PYROXD1: variants seen among roughly 807,000 people sequenced by gnomAD.
PYROXD1 encodes tRNA ligase complex-associated NAD(P)H dehydrogenase PYROXD1.
Under a neutral mutation model 62.0 loss-of-function variants are expected in PYROXD1, and 42 were observed. The ratio of observed to expected loss-of-function variants is 0.68; its 90% CI spans 0.53 to 0.88. PYROXD1 has a LOEUF of 0.88. Among genes scored for constraint, PYROXD1 ranks in the 40% least tolerant of loss-of-function variants. PYROXD1 has a pLI of 0.00. For synonymous variants in PYROXD1, 170 were observed against 206.4 expected (o/e 0.82, Z 1.51); for missense variants, 493 against 604.8 (o/e 0.82, Z 1.94).
intron 7 of PYROXD1, among the ~76,000 whole-genome samples, chr12:21,459,388 T>C (rs1380027363): frequency 1.3e-5 from 2 of 152,206 alleles, no homozygotes; most frequent in Non-Finnish European, 2.9e-5. Context: ...TCATGCCCCT[T>C]CTTATATGCT....
intron 1 of PYROXD1, among the ~76,000 whole-genome samples, chr12:21,439,496 G>A (rs1024674583): frequency 1.3e-5 from 2 of 152,162 alleles, no homozygotes; most frequent in Non-Finnish European, 2.9e-5. Flanking sequence ...TGTTGGGCAC[G>A]ATAGCTCACA....
At chr12:21,438,654 T>G (rs533876629) in intron 1 of PYROXD1, 2 of 152,386 alleles carry the variant, frequency 1.3e-5, no homozygotes, top group East Asian at 3.8e-4. Context: ...TTGATTATAC[T>G]GAATAGCCAG....
intron 9 of PYROXD1, 147 bp from the exon 10 acceptor site, chr12:21,462,593 A>G (rs1942718872): frequency 1.3e-6 from 1 of 790,078 alleles, no homozygotes; most frequent in Admixed American, 2.6e-5. Flanking sequence ...AATTCAGCTC[A>G]GGTGTCTAAA....
chr12:21,456,660 G>A (rs1042229447), intron 7 of PYROXD1, among the ~76,000 whole-genome samples: 2 of 152,044 alleles, frequency 1.3e-5, no homozygotes, highest in African/African-American at 4.8e-5. Flanking sequence ...GCTTGCTGAA[G>A]GTTTGGGTGG....
At chr12:21,466,167 T>A (rs1220321870) in intron 10 of PYROXD1, among the ~76,000 whole-genome samples, 45 of 149,602 alleles carry the variant, frequency 3.0e-4, no homozygotes, top group African/African-American at 1.0e-3. Flanking sequence ...TTTGGTTCCA[T>A]ATGAACTTTA....
intron 9 of PYROXD1, 31 bp downstream of exon 9, chr12:21,462,151 A>C (rs758703270): frequency 1.1e-5 from 14 of 1,244,724 alleles, no homozygotes; most frequent in Non-Finnish European, 1.6e-5. Flanking sequence ...CCAGCTGTGA[A>C]TATATTTGAA....
intron 2 of PYROXD1, among the ~76,000 whole-genome samples, chr12:21,442,584 G>A (rs138231717): frequency 6.6e-6 from 1 of 152,296 alleles, no homozygotes; most frequent in African/African-American, 2.4e-5. Flanking sequence ...GGTCTGAGGT[G>A]TAGGCATTCT....
intron 4 of PYROXD1, among the ~76,000 whole-genome samples, chr12:21,451,082 T>A (rs115850482): frequency 8.5e-4 from 130 of 152,284 alleles, no homozygotes; most frequent in African/African-American, 3.0e-3. Context: ...CTTGGAGAAT[T>A]TTAAAGATGT....
intron 1 of PYROXD1, 126 bp from the exon 2 acceptor site, chr12:21,440,242 A>G (rs985423657): frequency 7.0e-6 from 4 of 573,166 alleles, no homozygotes; most frequent in Non-Finnish European, 1.2e-5. Context: ...TAGATGAGGA[A>G]CAGTGGGTTT....
At chr12:21,443,645 A>C (rs892531554) in intron 2 of PYROXD1, among the ~76,000 whole-genome samples, 14 of 152,206 alleles carry the variant, frequency 9.2e-5, no homozygotes, top group Middle Eastern at 3.2e-3. Context: ...GCAAAATAAA[A>C]TTTCTAAAAT....
chr12:21,453,543 A>G (rs939198661), intron 5 of PYROXD1, among the ~76,000 whole-genome samples: 1 of 152,080 alleles, frequency 6.6e-6, no homozygotes, highest in African/African-American at 2.4e-5. Flanking sequence ...TCCTTTTCAA[A>G]CAGATACTGT....
rs1168803063 is a variant in PYROXD1 at position 21,445,345 on chromosome 12, A to G, written c.166-2A>G. 11 of 1,587,018 alleles carry G rather than the reference A, an allele frequency of 6.9e-6. No homozygotes were observed. The highest frequency in any genetic ancestry group is 2.7e-5 in the African/African-American group (2 of 73,514). On this transcript the variant is annotated splice_acceptor_variant, in intron 2 of 11. Coordinates refer to ENST00000240651, the MANE Select transcript of PYROXD1 (RefSeq NM_024854.5). LOFTEE classifies it high-confidence loss of function. ...CATTTTTAATCTCTTGGATCTATAC[A>G]GATTTCTAAAATATTGGAAGAATTC...
rs746673715 is a variant in PYROXD1, at chr12:21,437,829, A to T, written c.84+15A>T. The T allele has an allele frequency of 1.9e-6, 3 of 1,607,944 alleles. No homozygotes were observed. Among genetic ancestry groups the T allele is most frequent in the African/African-American group, 1.3e-5 (1 of 74,880 alleles). ...GTGCGGAGCAGGTAGGGCGGTGCTCAGGCGGTTCCGCCTCTTTCCCCGACC... is the reference window on the plus strand; with the variant it reads ...GTGCGGAGCAGGTAGGGCGGTGCTCTGGCGGTTCCGCCTCTTTCCCCGACC... On this transcript the variant is annotated intron_variant, in intron 1 of 11. Transcript: ENST00000240651.
chr12:21,449,556 T>C lies in PYROXD1; in HGVS notation c.286-7T>C, dbSNP rs1347834977. The C allele has an allele frequency of 6.2e-7, 1 of 1,609,516 alleles. No homozygotes were observed. The highest frequency in any genetic ancestry group is 1.7e-5 in the Admixed American group (1 of 59,122). ...CCCTTTTCTTTCATTGTTTGATGTA[T>C]TTACAGTGCATTGTAACAGAAGATG... On this transcript the variant is annotated splice_polypyrimidine_tract_variant and splice_region_variant and intron_variant, in intron 3 of 11. Transcript: ENST00000240651.
At position 21,469,277 on chromosome 12, in the gene PYROXD1, C is replaced by T. The variant is rs1459954703; in HGVS notation, c.*523C>T. Reference sequence around the variant, plus strand: ...ACCTGAAATCATCTACAAGCTTGTCCAACTCTAGCCCACGGGTCTAATGCA... The same window carrying T: ...ACCTGAAATCATCTACAAGCTTGTCTAACTCTAGCCCACGGGTCTAATGCA... On this transcript the variant is annotated 3_prime_UTR_variant, in exon 12 of 12. Transcript: ENST00000240651. 1.9e-5 allele frequency: 3 copies of T among 154,766 alleles called. No homozygotes were observed. Among genetic ancestry groups the T allele is most frequent in the African/African-American group, 7.2e-5 (3 of 41,384 alleles). The allele number at this position is 154,766 out of a possible 1,614,324, so 9.6% of individuals were successfully genotyped here.
chr12:21,445,722 A>T (rs1238291735), intron 3 of PYROXD1, among the ~76,000 whole-genome samples: 2 of 152,200 alleles, frequency 1.3e-5, no homozygotes, highest in African/African-American at 4.8e-5. Flanking sequence ...TGTGTTCTGG[A>T]TACTGCATTA....
Position 21,437,656 on chromosome 12 carries a change from G to C in PYROXD1, c.-75G>C. 3 of 1,457,986 alleles carry C rather than the reference G, an allele frequency of 2.1e-6. No individual in the cohort carries two copies. In the East Asian group the frequency reaches 7.2e-5, roughly 35 times the overall value. 90.3% of individuals were successfully genotyped at this position (1,457,986 alleles called of 1,614,324 possible). On this transcript the variant is annotated 5_prime_UTR_variant, in exon 1 of 12. Coordinates refer to ENST00000240651, the MANE Select transcript of PYROXD1 (RefSeq NM_024854.5). ...AGGCACCGGAAGTGACCGCCTCGCG[G>C]CTGCTTCCTCTCCTGGAGTCCAGAG...
At position 21,470,370 on chromosome 12, in the gene PYROXD1, A is replaced by G. The variant is rs1942915966; in HGVS notation, c.*1616A>G. 1.3e-6 allele frequency: 2 copies of G among 1,492,858 alleles called. No homozygotes were observed. The highest frequency in any genetic ancestry group is 9.0e-7 in the Non-Finnish European group (1 of 1,116,760). The allele number at this position is 1,492,858 out of a possible 1,614,324, so 92.5% of individuals were successfully genotyped here. A position where few individuals can be genotyped will look rare whatever the true frequency, so the allele number is the denominator to read the frequency against. ...GCCTACAAAAAAAAAAAAAAAACAA[A>G]GCAAGCACCTTGGTAAAAATCCAGC... On this transcript the variant is annotated 3_prime_UTR_variant, in exon 12 of 12. Transcript: ENST00000240651.
chr12:21,454,366 T>C (rs1942557000), intron 5 of PYROXD1, among the ~76,000 whole-genome samples: 1 of 152,054 alleles, frequency 6.6e-6, no homozygotes, highest in Admixed American at 6.6e-5. Context: ...TTTCCACCAG[T>C]TGTACCAAAA....
Sources: allele counts gnomAD v4.1 joint callset (sites outside exome capture counted in the v4.1 genomes callset), GRCh38; gene constraint gnomAD v4.1.1; transcripts MANE v1.5; gene names NCBI Gene and HGNC (gene_info 2026-07-23, HGNC 2026-07-21).